DYNC2I1: variants seen among roughly 807,000 people sequenced by gnomAD.
DYNC2I1 encodes the protein cytoplasmic dynein 2 intermediate chain 1.
Under a neutral mutation model 133.4 loss-of-function variants are expected in DYNC2I1, and 89 were observed. The observed-to-expected ratio is 0.67, with a 90% CI of 0.56 to 0.80. The LOEUF is 0.80. Ranked by LOEUF, DYNC2I1 falls within the 30% of genes least tolerant of loss-of-function variation. DYNC2I1 has a pLI of 0.00. For synonymous variants in DYNC2I1, 504 were observed against 484.3 expected, an observed-to-expected ratio of 1.04 and a Z score of -0.54; for missense variants, 1,291 against 1,314.5, an observed-to-expected ratio of 0.98 and a Z score of 0.28.
rs147691453 is a variant in DYNC2I1, at chr7:158,937,499, G to A, written c.2778+2950G>A. ...AAATTAGCCTGGCGTGGTGGCGGGC[G>A]CCTGTAGTCCCAGCTACTTGGGAGG... On this transcript the variant is annotated intron_variant, in intron 23 of 24. Transcript: ENST00000407559. Among the ~76,000 whole-genome samples, 1,442 of 152,126 alleles carry A rather than the reference G, an allele frequency of 9.5e-3. 24 individuals are homozygous for A. Among genetic ancestry groups the A allele is most frequent in the African/African-American group, 0.033 (1,350 of 41,470 alleles).
intron 7 of DYNC2I1, among the ~76,000 whole-genome samples, chr7:158,887,860 A>T (rs935664208): frequency 9.9e-5 from 15 of 152,126 alleles, no homozygotes; most frequent in African/African-American, 3.6e-4. Context: ...GGAGAATTGT[A>T]CCCTGTGCTG....
At chr7:158,894,706 C>A (rs1845604055) in intron 8 of DYNC2I1, among the ~76,000 whole-genome samples, 1 of 152,138 alleles carries the variant, frequency 6.6e-6, no homozygotes. Flanking sequence ...GGGTAACTAC[C>A]AAGGAGTGTG....
chr7:158,936,698 G>T (rs1850791773), intron 23 of DYNC2I1, among the ~76,000 whole-genome samples: 1 of 152,168 alleles, frequency 6.6e-6, no homozygotes, highest in African/African-American at 2.4e-5. Context: ...CAGAGTGGCC[G>T]CTCATAGCAC....
intron 4 of DYNC2I1, among the ~76,000 whole-genome samples, chr7:158,955,051 T>A (rs559629811): frequency 1.1e-4 from 16 of 152,106 alleles, no homozygotes; most frequent in Non-Finnish European, 1.9e-4. Context: ...GTCTGGAGAG[T>A]GTGATTTCAA....
At chr7:158,918,974 T>C (rs1848752585) in intron 15 of DYNC2I1, 105 bp downstream of exon 15, 1 of 1,278,576 alleles carries the variant, frequency 7.8e-7, no homozygotes, top group Non-Finnish European at 1.0e-6. Flanking sequence ...TGGGGTTTAA[T>C]GTACATAAAA....
chr7:158,902,093 A>G (rs984201939), intron 9 of DYNC2I1, among the ~76,000 whole-genome samples: 1 of 152,228 alleles, frequency 6.6e-6, no homozygotes, highest in Admixed American at 6.5e-5. Context: ...AAAAATACAT[A>G]CACTTTCACA....
At chr7:158,863,601 G>T in intron 1 of DYNC2I1, among the ~76,000 whole-genome samples, 1 of 129,348 alleles carries the variant, frequency 7.7e-6, no homozygotes, top group South Asian at 2.9e-4. Context: ...GCGGTGAGCC[G>T]GACGTCCTTA....
intron 4 of DYNC2I1, among the ~76,000 whole-genome samples, chr7:158,952,366 C>T (rs1852079912): frequency 6.6e-6 from 1 of 152,160 alleles, no homozygotes; most frequent in Non-Finnish European, 1.5e-5. Flanking sequence ...GACATCCCGC[C>T]TACCTGAATT....
downstream of DYNC2I1, among the ~76,000 whole-genome samples, chr7:158,948,022 C>T (rs1851942745): frequency 6.6e-6 from 1 of 152,228 alleles, no homozygotes; most frequent in African/African-American, 2.4e-5. Context: ...TGCCCCTCAG[C>T]CTCACCCCCA....
At chr7:158,952,668 A>G (rs545207660) in intron 4 of DYNC2I1, among the ~76,000 whole-genome samples, 76 of 151,398 alleles carry the variant, frequency 5.0e-4, no homozygotes, top group Non-Finnish European at 9.0e-4. Context: ...CCGCACCTTC[A>G]TATTGTGTGG....
At chr7:158,907,042 G>A (rs1846890138) in intron 11 of DYNC2I1, among the ~76,000 whole-genome samples, 1 of 151,994 alleles carries the variant, frequency 6.6e-6, no homozygotes, top group African/African-American at 2.4e-5. Flanking sequence ...TTGAGCCTGA[G>A]AGGTCGAGGC....
the DYNC2I1 span, among the ~76,000 whole-genome samples, chr7:158,844,686 A>G: frequency 1.3e-5 from 2 of 151,808 alleles, no homozygotes; most frequent in African/African-American, 4.8e-5. Context: ...GCAATGGTGC[A>G]ATCTTGGCTC....
At chr7:158,889,396 C>T (rs575552798) in intron 7 of DYNC2I1, among the ~76,000 whole-genome samples, 88 of 152,114 alleles carry the variant, frequency 5.8e-4, no homozygotes, top group African/African-American at 2.0e-3. Flanking sequence ...CCTGTTTTTC[C>T]TAGTTCATAG....
intron 24 of DYNC2I1, 131 bp downstream of exon 24, chr7:158,942,279 A>G: frequency 1.5e-6 from 1 of 679,018 alleles, no homozygotes; most frequent in Non-Finnish European, 2.3e-6. Flanking sequence ...TGTAAATTTA[A>G]ATAATATGTT....
chr7:158,898,076 A>G (rs1371996653), intron 8 of DYNC2I1, among the ~76,000 whole-genome samples: 1 of 152,164 alleles, frequency 6.6e-6, no homozygotes, highest in Non-Finnish European at 1.5e-5. Context: ...ACTGATTTCT[A>G]GTGTGATTCC....
rs774062652 is a variant in DYNC2I1 at position 158,942,031 on chromosome 7, G to T, written c.2885G>T (p.Trp962Leu). 2.5e-6 allele frequency: 4 copies of T among 1,613,488 alleles called. No individual in the cohort carries two copies. Among genetic ancestry groups the T allele is most frequent in the Admixed American group, 1.7e-5 (1 of 59,990 alleles). ...TDSHAVTGLQ[W>L]SPTRPAVFLV... The stretch of plus-strand genomic sequence containing the variant: ...AGCCATGCGGTCACCGGCCTGCAGT[G>T]GTCCCCAACCAGGCCTGCCGTGTTC... The change falls in exon 24 of 25, where the codon TGG becomes TTG. Residue 962 changes from tryptophan (W) to leucine (L), a missense_variant. Physicochemically the swap from Trp to Leu is moderately conservative, Grantham distance 61 (BLOSUM62 -2). Coordinates refer to ENST00000407559, the MANE Select transcript of DYNC2I1 (RefSeq NM_018051.5).
the DYNC2I1 span, among the ~76,000 whole-genome samples, chr7:158,841,192 T>TTTTAG: frequency 2.1e-5 from 2 of 95,504 alleles, no homozygotes; most frequent in East Asian, 3.6e-4. Context: ...TATATATATA[T>TTTTAG]ATATATATAT....
At chr7:158,887,283 G>A (rs1844699866) in intron 7 of DYNC2I1, among the ~76,000 whole-genome samples, 2 of 152,218 alleles carry the variant, frequency 1.3e-5, no homozygotes. Flanking sequence ...TGGACAAAGA[G>A]AATCTATCAG....
intron 11 of DYNC2I1, among the ~76,000 whole-genome samples, chr7:158,910,156 G>A (rs971825053): frequency 6.6e-6 from 1 of 152,252 alleles, no homozygotes; most frequent in Non-Finnish European, 1.5e-5. Context: ...TTGACCCCGG[G>A]CACACTAATG....
Sources: allele counts gnomAD v4.1 joint callset (sites outside exome capture counted in the v4.1 genomes callset), GRCh38; gene constraint gnomAD v4.1.1; transcripts MANE v1.5; gene names NCBI Gene and HGNC (gene_info 2026-07-23, HGNC 2026-07-21).